The following SVIP variants were observed in gnomAD, a reference collection of about 807,000 sequenced individuals.
SVIP encodes small VCP/p97-interacting protein.
Under a neutral mutation model 12.9 loss-of-function variants are expected in SVIP, and 14 were observed. The ratio of observed to expected loss-of-function variants is 1.08; its 90% CI spans 0.72 to 1.70. The LOEUF is 1.70. SVIP is among the 40% of genes most tolerant of loss of function. The pLI is 0.00. For synonymous variants in SVIP, 35 were observed against 33.3 expected (o/e 1.05, Z -0.17); for missense variants, 93 against 90.8 (o/e 1.02, Z -0.10).
intron 3 of SVIP, among the ~76,000 whole-genome samples, chr11:22,824,714 C>T (rs922375960): frequency 5.3e-5 from 8 of 152,106 alleles, no homozygotes; most frequent in Admixed American, 2.0e-4. Context: ...TCCAAAACAT[C>T]TCTCTTAGGA....
Position 22,827,283 on chromosome 11 carries a change from T to C in SVIP, c.143A>G (p.Gln48Arg), listed in dbSNP as rs767919970. 1.2e-6 allele frequency: 2 copies of C among 1,608,194 alleles called. No homozygotes were observed. Among genetic ancestry groups the C allele is most frequent in the Non-Finnish European group, 1.7e-6 (2 of 1,178,054 alleles). Residue 48 changes from glutamine to arginine, a missense_variant, in exon 3 of 4, where the codon CAA (glutamine) becomes CGA (arginine). Transcript: ENST00000354193. ...SRGILDVQSVQEKRKKKEKIE... is the reference protein window; with the variant it reads ...SRGILDVQSVREKRKKKEKIE... ...TTTTTCCTTTTTCTTTCTCTTTTCT[T>C]GCACAGATTGAACATCTAAAATTCC...
chr11:22,829,097 G>C (rs1425852114), intron 1 of SVIP, among the ~76,000 whole-genome samples: 2 of 152,042 alleles, frequency 1.3e-5, no homozygotes, highest in Admixed American at 6.5e-5. Flanking sequence ...ATGTAACTGG[G>C]TGTCCAGTAT....
intron 3 of SVIP, 86 bp downstream of exon 3, chr11:22,827,121 T>G (rs1857739243): frequency 9.6e-7 from 1 of 1,042,538 alleles, no homozygotes; most frequent in Admixed American, 2.0e-5. Context: ...GATAATACAT[T>G]TCAGGAGAAA....
rs912502067 is a variant in SVIP at position 22,825,714 on chromosome 11, CTCTT to C, written c.219+1489_219+1492del. Among the ~76,000 whole-genome samples the C allele has an allele frequency of 1.1e-4, 16 of 152,040 alleles. No homozygotes were observed. The East Asian group carries it at 1.4e-3, about 13-fold the overall frequency. ...GTGGAAGCTTCAAGTTTAAGAAAGC[CTCTT>C]TCTTTATTATACTTTAAAAGCTGAT... On this transcript the variant is annotated intron_variant, in intron 3 of 3. Coordinates refer to ENST00000354193, the MANE Select transcript of SVIP (RefSeq NM_148893.3).
In SVIP at chr11:22,829,618, T is replaced by A; in HGVS notation, c.54+77A>T. 6 of 1,456,942 alleles carry A rather than the reference T, an allele frequency of 4.1e-6. No homozygotes were observed. The South Asian group carries it at 7.5e-5, about 18-fold the overall frequency. The allele number at this position is 1,456,942 out of a possible 1,614,324, so 90.3% of individuals were successfully genotyped here. A position where few individuals can be genotyped will look rare whatever the true frequency, so the allele number is the denominator to read the frequency against. On this transcript the variant is annotated intron_variant, in intron 1 of 3. Transcript: ENST00000354193. ...TCTCGACCTGCGCCACCAGGTACAA[T>A]GGCTCGGCCCGCCCCGCAACCCGAG...
chr11:22,823,151 G>T lies in SVIP; in HGVS notation c.220-18C>A, dbSNP rs1267456204. On this transcript the variant is annotated intron_variant, in intron 3 of 3. Transcript: ENST00000354193. The stretch of plus-strand genomic sequence containing the variant: ...ACTGTCCACTAGAAAAGATAAAAAA[G>T]AGACAGAAAAGTAAATTTTACTTGA... The T allele has an allele frequency of 6.3e-7, 1 of 1,577,648 alleles. No homozygotes were observed. Among genetic ancestry groups the T allele is most frequent in the South Asian group, 1.2e-5 (1 of 86,692 alleles).
At position 22,821,498 on chromosome 11, in the gene SVIP, CT is replaced by C. The variant is rs1857484078; in HGVS notation, c.*1620del. On this transcript the variant is annotated 3_prime_UTR_variant, in exon 4 of 4. Coordinates refer to ENST00000354193, the MANE Select transcript of SVIP (RefSeq NM_148893.3). ...ACTTACACCAACCCAAGTTCTAATTCTTTAAGATGTAGTAAAGACAAAATTG... is the reference window on the plus strand; with the variant it reads ...ACTTACACCAACCCAAGTTCTAATTCTTAAGATGTAGTAAAGACAAAATTG... 6.6e-6 allele frequency: 1 copy of C among 152,068 alleles called. No individual in the cohort carries two copies. Among genetic ancestry groups the C allele is most frequent in the South Asian group, 2.1e-4 (1 of 4,830 alleles). The allele number at this position is 152,068 out of a possible 1,614,324, so 9.4% of individuals were successfully genotyped here.
chr11:22,827,429 G>T, intron 2 of SVIP, 109 bp from the exon 3 acceptor site: 1 of 881,186 alleles, frequency 1.1e-6, no homozygotes, highest in Middle Eastern at 2.4e-4. Context: ...GGGGTAGGGA[G>T]TTGGTTTATT....
At position 22,827,209 on chromosome 11, in the gene SVIP, T is replaced by A; in HGVS notation, c.217A>T (p.Arg73Trp). ...TSGPPPEGGL[R>W]WTVS Reference sequence around the variant, plus strand: ...ACTAAGAAAATTTTAATACTTACCCTAAGTCCACCTTCTGGTGGGGGCCCG... The same window carrying A: ...ACTAAGAAAATTTTAATACTTACCCAAAGTCCACCTTCTGGTGGGGGCCCG... The change falls in exon 3 of 4, where the codon AGG (arginine) becomes TGG (tryptophan). Residue 73 changes from arginine to tryptophan, a missense_variant and splice_region_variant. Arg to Trp is a moderately radical substitution (Grantham distance 101). Coordinates refer to ENST00000354193, the MANE Select transcript of SVIP (RefSeq NM_148893.3). The A allele has an allele frequency of 6.2e-7, 1 of 1,606,350 alleles. No individual in the cohort carries two copies. Among genetic ancestry groups the A allele is most frequent in the Middle Eastern group, 1.7e-4 (1 of 6,032 alleles).
intron 1 of SVIP, among the ~76,000 whole-genome samples, chr11:22,829,089 G>A (rs1857840788): frequency 6.6e-6 from 1 of 152,146 alleles, no homozygotes; most frequent in South Asian, 2.1e-4. Flanking sequence ...AAATTCGAAT[G>A]TAACTGGGTG....
rs1857412306 is a variant in SVIP, at chr11:22,819,479, T to C, written c.*3640A>G. The C allele has an allele frequency of 6.6e-6, 1 of 152,162 alleles. No individual in the cohort carries two copies. The highest frequency in any genetic ancestry group is 2.1e-4 in the South Asian group (1 of 4,830). The allele number at this position is 152,162 out of a possible 1,614,324, so 9.4% of individuals were successfully genotyped here. ...CAACACAAATTTGGTATTATAAATA[T>C]AGCCAATGCAGGCCGGGCGCGGTGG... On this transcript the variant is annotated 3_prime_UTR_variant, in exon 4 of 4. Coordinates refer to ENST00000354193, the MANE Select transcript of SVIP (RefSeq NM_148893.3).
chr11:22,824,474 G>GTA (rs200020697), intron 3 of SVIP, among the ~76,000 whole-genome samples: 60 of 138,242 alleles, frequency 4.3e-4, no homozygotes, highest in South Asian at 1.7e-3. Context: ...ATATATATAC[G>GTA]TATATATATA....
intron 3 of SVIP, among the ~76,000 whole-genome samples, chr11:22,825,316 C>A (rs1857654432): frequency 6.6e-6 from 1 of 152,076 alleles, no homozygotes; most frequent in Non-Finnish European, 1.5e-5. Context: ...TATCCCTGAG[C>A]CTTCCAGAAT....
intron 1 of SVIP, among the ~76,000 whole-genome samples, chr11:22,828,299 G>C (rs1857799408): frequency 6.6e-6 from 1 of 152,142 alleles, no homozygotes; most frequent in Admixed American, 6.5e-5. Context: ...GGAAGGACTG[G>C]AGTAATTTCA....
Position 22,821,095 on chromosome 11 carries a change from ATAT to A in SVIP, c.*2021_*2023del, listed in dbSNP as rs1260000292. ...CACATATATAAATTAGAATTTGCAG[ATAT>A]TATGTGTATATATATACACACATAT... On this transcript the variant is annotated 3_prime_UTR_variant, in exon 4 of 4. Coordinates refer to ENST00000354193, the MANE Select transcript of SVIP (RefSeq NM_148893.3). The A allele has an allele frequency of 1.1e-4, 16 of 148,254 alleles. No individual in the cohort carries two copies. The South Asian group carries it at 1.7e-3, about 16-fold the overall frequency. The allele number at this position is 148,254 out of a possible 1,614,324, so 9.2% of individuals were successfully genotyped here. A position where few individuals can be genotyped will look rare whatever the true frequency, so the allele number is the denominator to read the frequency against.
At chr11:22,825,368 C>A (rs1042525498) in intron 3 of SVIP, among the ~76,000 whole-genome samples, 4 of 152,032 alleles carry the variant, frequency 2.6e-5, no homozygotes, top group Admixed American at 2.0e-4. Flanking sequence ...ATGTGTCAAG[C>A]AGAATGGAGC....
intron 3 of SVIP, among the ~76,000 whole-genome samples, chr11:22,824,540 T>C (rs1440445259): frequency 6.7e-6 from 1 of 150,108 alleles, no homozygotes; most frequent in African/African-American, 2.4e-5. Context: ...TATGTTTAAA[T>C]AAATTTTCAA....
At position 22,822,638 on chromosome 11, in the gene SVIP, A is replaced by AT. The variant is rs1372504429; in HGVS notation, c.*480dup. On this transcript the variant is annotated 3_prime_UTR_variant, in exon 4 of 4. Coordinates refer to ENST00000354193, the MANE Select transcript of SVIP (RefSeq NM_148893.3). The stretch of plus-strand genomic sequence containing the variant: ...CTCCTTCACATCAGCCCTTCAAATG[A>AT]TTTTTTCAAGATTCTCCCTGATGAT... 6.6e-6 allele frequency: 1 copy of AT among 152,368 alleles called. No individual in the cohort carries two copies. Among genetic ancestry groups the AT allele is most frequent in the Admixed American group, 6.5e-5 (1 of 15,288 alleles). The allele number at this position is 152,368 out of a possible 1,614,324, so 9.4% of individuals were successfully genotyped here. A position where few individuals can be genotyped will look rare whatever the true frequency, so the allele number is the denominator to read the frequency against.
At chr11:22,827,140 T>G in intron 3 of SVIP, 67 bp downstream of exon 3, 1 of 1,203,488 alleles carries the variant, frequency 8.3e-7, no homozygotes, top group Non-Finnish European at 1.2e-6. Context: ...AAATTATGAA[T>G]GGATTGCTAC....
Sources: allele counts gnomAD v4.1 joint callset (sites outside exome capture counted in the v4.1 genomes callset), GRCh38; gene constraint gnomAD v4.1.1; transcripts MANE v1.5; gene names NCBI Gene and HGNC (gene_info 2026-07-23, HGNC 2026-07-21).